Variants in AGBL1 observed in about 807,000 individuals in gnomAD.
AGBL1 encodes the protein AGBL carboxypeptidase 1.
AGBL1 carries 130 observed loss-of-function variants against 118.9 expected under a neutral mutation model. The ratio of observed to expected loss-of-function variants is 1.09; its 90% CI spans 0.95 to 1.26. The LOEUF is 1.26. Among genes scored for constraint, AGBL1 ranks in the 50% most tolerant of loss-of-function variants. AGBL1 has a pLI of 0.00. For synonymous variants in AGBL1, 555 were observed against 478.9 expected, an observed-to-expected ratio of 1.16 and a Z score of -2.08; for missense variants, 1,584 against 1,298.1, an observed-to-expected ratio of 1.22 and a Z score of -3.38.
At chr15:86,709,423 G>A (rs2086514199) in intron 22 of AGBL1, among the ~76,000 whole-genome samples, 2 of 152,086 alleles carry the variant, frequency 1.3e-5, no homozygotes, top group Non-Finnish European at 2.9e-5. Flanking sequence ...AAATCAAGCA[G>A]CCAAGAGATC....
intron 18 of AGBL1, among the ~76,000 whole-genome samples, chr15:86,478,062 G>T (rs138338312): frequency 6.6e-6 from 1 of 152,096 alleles, no homozygotes; most frequent in East Asian, 1.9e-4. Flanking sequence ...CAATAAATTA[G>T]GTACTGAAGG....
intron 22 of AGBL1, among the ~76,000 whole-genome samples, chr15:86,891,961 C>T (rs1173057161): frequency 6.6e-6 from 1 of 152,124 alleles, no homozygotes; most frequent in African/African-American, 2.4e-5. Context: ...CTCAGAGGTC[C>T]TCTCATGTAA....
chr15:86,198,657 A>G (rs972279255), intron 5 of AGBL1, among the ~76,000 whole-genome samples: 1 of 151,786 alleles, frequency 6.6e-6, no homozygotes, highest in East Asian at 2.0e-4. Flanking sequence ...GAGAAGAGGA[A>G]GATTTTCTCT....
rs149267204 is a variant in AGBL1, at chr15:86,727,038, G to A, written c.3158+52602G>A. ...AAAAGGATATTAAAATGCAGAACAC[G>A]TTTAAACTCCCTTTGGACTGTGTTG... On this transcript the variant is annotated intron_variant, in intron 22 of 22. Coordinates refer to ENST00000614907, the MANE Select transcript of AGBL1 (RefSeq NM_001386094.1). Among the ~76,000 whole-genome samples the A allele has an allele frequency of 2.7e-4, 41 of 152,174 alleles. 1 individual carries two copies. The highest frequency in any genetic ancestry group is 9.9e-4 in the African/African-American group (41 of 41,510).
At chr15:86,308,360 A>T (rs1270365489) in intron 17 of AGBL1, among the ~76,000 whole-genome samples, 3 of 131,044 alleles carry the variant, frequency 2.3e-5, no homozygotes, top group African/African-American at 7.6e-5. Context: ...AAGAGAGATT[A>T]CTCCCTTTCT....
intron 17 of AGBL1, among the ~76,000 whole-genome samples, chr15:86,298,286 C>CTATATATATATATATATGGTAACTATA (rs71460469): frequency 4.8e-5 from 3 of 63,092 alleles, no homozygotes; most frequent in African/African-American, 1.8e-4. Flanking sequence ...TATATGGTAA[C>CTATATATATATATATATGGTAACTATA]TATATATATA....
intron 22 of AGBL1, among the ~76,000 whole-genome samples, chr15:86,675,260 C>T (rs745574909): frequency 2.0e-5 from 3 of 152,206 alleles, no homozygotes; most frequent in South Asian, 2.1e-4. Context: ...GTGCACTTCA[C>T]GTCCAAAGGC....
At chr15:86,453,462 G>A (rs1050902569) in intron 18 of AGBL1, among the ~76,000 whole-genome samples, 1 of 152,138 alleles carries the variant, frequency 6.6e-6, no homozygotes, top group Non-Finnish European at 1.5e-5. Context: ...AGAGGAGAGA[G>A]CCCGAACACT....
At chr15:86,706,983 A>G (rs1006680033) in intron 22 of AGBL1, among the ~76,000 whole-genome samples, 1 of 152,100 alleles carries the variant, frequency 6.6e-6, no homozygotes, top group African/African-American at 2.4e-5. Context: ...AATAGATATA[A>G]TAAGAGATGG....
intron 5 of AGBL1, among the ~76,000 whole-genome samples, chr15:86,185,096 G>T (rs1489941580): frequency 6.6e-6 from 1 of 152,068 alleles, no homozygotes; most frequent in African/African-American, 2.4e-5. Context: ...GTGGGCGAAG[G>T]ATATGAACAG....
chr15:86,689,575 G>A (rs879771237), intron 22 of AGBL1, among the ~76,000 whole-genome samples: 13 of 151,984 alleles, frequency 8.6e-5, no homozygotes, highest in Non-Finnish European at 1.5e-4. Flanking sequence ...CCATGCAATT[G>A]TTGTTCATTG....
At chr15:86,853,563 GAAT>G (rs1161686918) in intron 22 of AGBL1, among the ~76,000 whole-genome samples, 4 of 152,170 alleles carry the variant, frequency 2.6e-5, no homozygotes, top group South Asian at 2.1e-4. Context: ...CTGCACTACA[GAAT>G]AATGACACCA....
At chr15:86,274,312 T>C (rs2141700237) in intron 15 of AGBL1, among the ~76,000 whole-genome samples, 1 of 152,336 alleles carries the variant, frequency 6.6e-6, no homozygotes, top group African/African-American at 2.4e-5. Context: ...CTGATTAGAT[T>C]ATTTTAACAA....
chr15:86,568,290 G>C (rs1596274421), intron 21 of AGBL1, among the ~76,000 whole-genome samples: 2 of 152,118 alleles, frequency 1.3e-5, no homozygotes, highest in South Asian at 4.1e-4. Context: ...TGTTGGCTCT[G>C]TGTAAGTTTT....
chr15:86,738,677 G>C (rs190108003), intron 22 of AGBL1, among the ~76,000 whole-genome samples: 3 of 152,278 alleles, frequency 2.0e-5, no homozygotes, highest in Admixed American at 6.5e-5. Flanking sequence ...ATGAAATGGG[G>C]TTCTGAAGTC....
At chr15:86,386,760 T>C (rs573849891) in intron 17 of AGBL1, among the ~76,000 whole-genome samples, 1 of 152,108 alleles carries the variant, frequency 6.6e-6, no homozygotes. Context: ...TCATAGTACT[T>C]ACATGATGTT....
intron 5 of AGBL1, among the ~76,000 whole-genome samples, chr15:86,204,228 C>G (rs2077953366): frequency 1.3e-5 from 2 of 152,270 alleles, no homozygotes; most frequent in Non-Finnish European, 2.9e-5. Context: ...AGAAAACTAC[C>G]TAGCACCATA....
At chr15:86,620,828 C>T (rs1050332322) in intron 21 of AGBL1, among the ~76,000 whole-genome samples, 2 of 151,408 alleles carry the variant, frequency 1.3e-5, no homozygotes, top group Non-Finnish European at 2.9e-5. Context: ...TTTTCTATAG[C>T]ATTGCATGAC....
At chr15:86,833,623 A>G (rs2079135372) in intron 22 of AGBL1, among the ~76,000 whole-genome samples, 1 of 152,122 alleles carries the variant, frequency 6.6e-6, no homozygotes, top group Admixed American at 6.5e-5. Context: ...CAACATGAAA[A>G]CGAACTAATA....
Sources: gnomAD v4.1 joint callset for allele counts (sites outside exome capture counted in the v4.1 genomes callset) on GRCh38, gnomAD v4.1.1 for gene constraint, MANE v1.5 for transcripts, NCBI Gene and HGNC (gene_info 2026-07-23, HGNC 2026-07-21) for gene names.